The following CHTF18 variants were observed in gnomAD, a reference collection of about 807,000 sequenced individuals.
CHTF18 encodes chromosome transmission fidelity factor 18.
CHTF18 carries 151 observed loss-of-function variants against 113.4 expected under a neutral mutation model. The ratio of observed to expected loss-of-function variants is 1.33; its 90% CI spans 1.17 to 1.52. The LOEUF is 1.52. Among genes scored for constraint, CHTF18 ranks in the 40% most tolerant of loss-of-function variants. The pLI is 0.00. For synonymous variants in CHTF18, 916 were observed against 598.8 expected (o/e 1.53, Z -7.74); for missense variants, 1,982 against 1,381.6 (o/e 1.43, Z -6.89).
rs751842837 is a variant in CHTF18 at position 791,884 on chromosome 16, A to C, written c.1138A>C (p.Lys380Gln). The C allele has an allele frequency of 6.2e-7, 1 of 1,609,078 alleles. No homozygotes were observed. The highest frequency in any genetic ancestry group is 8.5e-7 in the Non-Finnish European group (1 of 1,178,538). The change falls in exon 9 of 22, where the codon AAG (lysine) becomes CAG (glutamine). Residue 380 changes from lysine (K) to glutamine (Q), a missense_variant. Transcript: ENST00000262315. ...GCTCTGTGGGCCCCCGGGGCTGGGG[A>C]AGACCACCCTGGCACACGTGATTGC... ...ALLCGPPGLG[K>Q]TTLAHVIARH...
intron 9 of CHTF18, 133 bp from the exon 10 acceptor site, chr16:792,090 TC>T: frequency 6.5e-7 from 1 of 1,531,746 alleles, no homozygotes. Context: ...AACGTGTCCT[TC>T]CTCGGGGTTC....
Position 796,890 on chromosome 16 carries a change from T to G in CHTF18, c.2601+29T>G, listed in dbSNP as rs1345042465. On this transcript the variant is annotated intron_variant, in intron 19 of 21. Transcript: ENST00000262315. ...AGCCCACCCAGGCTCTGGAGCAGGT[T>G]GCAGTCTGGGCGTGCACCATCCCCA... The G allele has an allele frequency of 4.5e-6, 7 of 1,571,798 alleles. No homozygotes were observed. In the African/African-American group the frequency reaches 6.8e-5, roughly 15 times the overall value.
rs556596391 is a variant in CHTF18, at chr16:790,191, C to T, written c.621C>T (p.His207=). The stretch of plus-strand genomic sequence containing the variant: ...CTTCCCCACAGGGCTCTCTCCTCCA[C>T]GTCCCATGGCGAGGCGGTGGCCAGC... The part of the protein sequence containing the change: ...MAPGVQGSLL[H]VPWRGGGQLD... Residue 207 remains histidine (H), a synonymous_variant, in exon 5 of 22, where the codon CAC becomes CAT. Coordinates refer to ENST00000262315, the MANE Select transcript of CHTF18 (RefSeq NM_022092.3). 9.4e-6 allele frequency: 15 copies of T among 1,600,922 alleles called. No individual in the cohort carries two copies. The highest frequency in any genetic ancestry group is 3.4e-5 in the Admixed American group (2 of 58,458).
intron 14 of CHTF18, 181 bp from the exon 15 acceptor site, chr16:793,873 C>T (rs936154168): frequency 5.0e-5 from 34 of 675,818 alleles, no homozygotes; most frequent in South Asian, 4.1e-4. Flanking sequence ...GGGAATGTTT[C>T]AGGGGGTTGA....
chr16:797,873 G>A lies in CHTF18; in HGVS notation c.2826G>A (p.Arg942=). 6.2e-7 allele frequency: 1 copy of A among 1,609,488 alleles called. No individual in the cohort carries two copies. Residue 942 remains arginine (R), a synonymous_variant, in exon 22 of 22, where the codon CGG becomes CGA. Transcript: ENST00000262315. ...CCCCGGAGCAGGACTCAGTGGAGCG[G>A]CGCATGGGCACAGCGGTGGGCAGGA... ...DTAPEQDSVE[R]RMGTAVGRSE... is the part of the protein sequence containing the mutation.
rs773363598 is a variant in CHTF18, at chr16:791,911, C to T, written c.1165C>T (p.Arg389Cys). The T allele has an allele frequency of 2.0e-5, 32 of 1,609,846 alleles. No homozygotes were observed. Among genetic ancestry groups the T allele is most frequent in the African/African-American group, 4.0e-5 (3 of 74,888 alleles). Residue 389 changes from arginine (R) to cysteine (C), a missense_variant, in exon 9 of 22, where the codon CGT (arginine) becomes TGT (cysteine). Arg to Cys is a radical substitution (Grantham distance 180). Coordinates refer to ENST00000262315, the MANE Select transcript of CHTF18 (RefSeq NM_022092.3). ...GKTTLAHVIARHAGYSVVEMN... is the reference protein window; with the variant it reads ...GKTTLAHVIACHAGYSVVEMN... Reference sequence around the variant, plus strand: ...GACCACCCTGGCACACGTGATTGCGCGTCACGCGGGGTACTCTGTGGTGGA... The same window carrying T: ...GACCACCCTGGCACACGTGATTGCGTGTCACGCGGGGTACTCTGTGGTGGA...
rs761920869 is a variant in CHTF18 at position 790,167 on chromosome 16, T to C, written c.607-10T>C. On this transcript the variant is annotated splice_polypyrimidine_tract_variant and intron_variant, in intron 4 of 21. Coordinates refer to ENST00000262315, the MANE Select transcript of CHTF18 (RefSeq NM_022092.3). ...GGGGCCCAGAGGCAATTGTCCTCCC[T>C]TCCCCACAGGGCTCTCTCCTCCACG... 1 of 1,586,828 alleles carries C rather than the reference T, an allele frequency of 6.3e-7. No individual in the cohort carries two copies. Among genetic ancestry groups the C allele is most frequent in the Admixed American group, 1.8e-5 (1 of 56,418 alleles).
rs1266527933 is a variant in CHTF18, at chr16:792,735, GGCAGCTGAA to G, written c.1502_1510del (p.Leu501_Gln503del). Reference sequence around the variant, plus strand: ...CTCCTCAGGTTCGCACCGTCCCTGCGGCAGCTGAAGCAGCAGGCCTTCCTGCTCCACTTC... The same window carrying G: ...CTCCTCAGGTTCGCACCGTCCCTGCGGCAGCAGGCCTTCCTGCTCCACTTC... On this transcript the variant is annotated inframe_deletion, in exon 12 of 22. Transcript: ENST00000262315. 1.3e-6 allele frequency: 2 copies of G among 1,556,458 alleles called. No individual in the cohort carries two copies. The highest frequency in any genetic ancestry group is 1.7e-6 in the Non-Finnish European group (2 of 1,155,418).
rs766127284 is a variant in CHTF18 at position 795,161 on chromosome 16, G to A, written c.1980G>A (p.Arg660=). 6.4e-7 allele frequency: 1 copy of A among 1,554,692 alleles called. No homozygotes were observed. Among genetic ancestry groups the A allele is most frequent in the African/African-American group, 1.4e-5 (1 of 73,358 alleles). ...QGLFDNFLRL[R]LRDSSLGAVC... ...TGTTTGACAACTTCCTGCGTCTGCGGCTGCGAGACTCCAGCCTGGGTGCTG... is the reference window on the plus strand; with the variant it reads ...TGTTTGACAACTTCCTGCGTCTGCGACTGCGAGACTCCAGCCTGGGTGCTG... The change falls in exon 16 of 22, where the codon CGG becomes CGA. Residue 660 remains arginine, a synonymous_variant. Coordinates refer to ENST00000262315, the MANE Select transcript of CHTF18 (RefSeq NM_022092.3).
rs759578478 is a variant in CHTF18 at position 788,979 on chromosome 16, G to C, written c.140G>C (p.Arg47Pro). 1.9e-6 allele frequency: 3 copies of C among 1,563,096 alleles called. No individual in the cohort carries two copies. The highest frequency in any genetic ancestry group is 2.6e-6 in the Non-Finnish European group (3 of 1,161,398). ...PSGVPLFTAGRPPRTFEEALA... is the reference protein window; with the variant it reads ...PSGVPLFTAGPPPRTFEEALA... ...GGGGTCCCCCTGTTCACCGCGGGCC[G>C]ACCCCCGCGGACGTTCGAGGAGGCC... is the stretch of plus-strand genomic sequence containing the variant. The change falls in exon 2 of 22, where the codon CGA becomes CCA. Residue 47 changes from arginine (R) to proline (P), a missense_variant. By Grantham distance (103) the Arg-to-Pro change is moderately radical. Transcript: ENST00000262315.
rs1173451098 is a variant in CHTF18 at position 796,078 on chromosome 16, G to A, written c.2456+1G>A. On this transcript the variant is annotated splice_donor_variant, in intron 18 of 21. Transcript: ENST00000262315. LOFTEE classifies it high-confidence loss of function. ...GCCAGTACATCTACAGGCTGGAGCC[G>A]TGAGTCCCCCAGTGCCTGGGGTGTG... 4 of 1,599,910 alleles carry A rather than the reference G, an allele frequency of 2.5e-6. No individual in the cohort carries two copies. Among genetic ancestry groups the A allele is most frequent in the African/African-American group, 2.7e-5 (2 of 74,744 alleles).
intron 14 of CHTF18, chr16:793,633 A>C: frequency 1.9e-6 from 1 of 522,274 alleles, no homozygotes; most frequent in South Asian, 2.0e-5. Context: ...CTGCCTGCCC[A>C]CACTGCTTGG....
At chr16:792,849 G>A in intron 12 of CHTF18, 38 bp downstream of exon 12, 2 of 1,534,880 alleles carry the variant, frequency 1.3e-6, no homozygotes, top group Non-Finnish European at 1.8e-6. Context: ...CTGATGGCGG[G>A]GTTGGGGGCG....
intron 7 of CHTF18, chr16:790,907 T>C (rs2042179274): frequency 2.1e-6 from 3 of 1,432,672 alleles, no homozygotes; most frequent in Admixed American, 5.8e-5. Context: ...CTGTTCCCTT[T>C]CCTACCTTCA....
At chr16:794,735 G>C (rs1341288561) in intron 15 of CHTF18, 1 of 259,578 alleles carries the variant, frequency 3.9e-6, no homozygotes, top group South Asian at 5.9e-5. Context: ...CTCCCCCACG[G>C]AACAGGGGTG....
At chr16:796,545 G>A in intron 18 of CHTF18, 172 bp from the exon 19 acceptor site, 1 of 709,572 alleles carries the variant, frequency 1.4e-6, no homozygotes. Flanking sequence ...CTGAGGCTCG[G>A]GGCAGTTAAA....
intron 19 of CHTF18, 29 bp from the exon 20 acceptor site, chr16:796,932 C>G: frequency 1.3e-6 from 2 of 1,532,156 alleles, no homozygotes; most frequent in Non-Finnish European, 1.8e-6. Context: ...CCCTGTGTGG[C>G]CAGATCTCAC....
intron 8 of CHTF18, 66 bp downstream of exon 8, chr16:791,436 G>T (rs931206342): frequency 3.2e-5 from 48 of 1,497,294 alleles, no homozygotes; most frequent in Non-Finnish European, 3.9e-5. Flanking sequence ...CGGCACCCTT[G>T]CAGCCTGTTG....
rs946711007 is a variant in CHTF18, at chr16:797,823, C to T, written c.2792-16C>T. 3.1e-6 allele frequency: 5 copies of T among 1,595,872 alleles called. No individual in the cohort carries two copies. The highest frequency in any genetic ancestry group is 2.2e-5 in the South Asian group (2 of 89,342). ...GGGGGGCCTTACAGCTGAGGAGCAA[C>T]CCTGTGGCCCCGCAGGGGACACGGC... On this transcript the variant is annotated splice_polypyrimidine_tract_variant and intron_variant, in intron 21 of 21. Coordinates refer to ENST00000262315, the MANE Select transcript of CHTF18 (RefSeq NM_022092.3).
Sources: gnomAD v4.1 joint callset for allele counts on GRCh38, gnomAD v4.1.1 for gene constraint, MANE v1.5 for transcripts, NCBI Gene and HGNC (gene_info 2026-07-23, HGNC 2026-07-21) for gene names.